The following TMCC1 variants were observed in gnomAD, a reference collection of about 807,000 sequenced individuals.
TMCC1 encodes the protein transmembrane and coiled-coil domains protein 1.
A neutral mutation model predicts 52.4 loss-of-function variants in TMCC1; 15 were observed. That is an observed-to-expected ratio of 0.29 (90% CI 0.19 to 0.44). The LOEUF (loss-of-function observed/expected upper bound fraction) is 0.44, where lower values mean the gene tolerates loss of function less well. Ranked by LOEUF, TMCC1 falls within the 20% of genes least tolerant of loss-of-function variation. TMCC1 has a pLI of 1.00. For missense variants in TMCC1, 503 were observed against 806.0 expected (o/e 0.62, Z 4.55); for synonymous variants, 279 against 301.9 (o/e 0.92, Z 0.79).
intron 2 of TMCC1, among the ~76,000 whole-genome samples, chr3:129,856,273 G>C (rs1198050707): frequency 1.3e-5 from 2 of 152,166 alleles, no homozygotes; most frequent in African/African-American, 4.8e-5. Context: ...TGGATCGTGA[G>C]AACTCCTGGA....
intron 2 of TMCC1, among the ~76,000 whole-genome samples, chr3:129,856,816 TA>T (rs1164423893): frequency 6.6e-6 from 1 of 152,136 alleles, no homozygotes; most frequent in Non-Finnish European, 1.5e-5. Flanking sequence ...TTAGGGAGTC[TA>T]AAAAGAAGAG....
chr3:129,741,284 G>GTA (rs1186274993), intron 4 of TMCC1, among the ~76,000 whole-genome samples: 30 of 152,258 alleles, frequency 2.0e-4, no homozygotes, highest in Admixed American at 1.4e-3. Context: ...TGTACTATCA[G>GTA]CTGCTACTAG....
intron 2 of TMCC1, among the ~76,000 whole-genome samples, chr3:129,843,911 C>CAAAAAA (rs11391229): frequency 7.4e-6 from 1 of 135,616 alleles, no homozygotes. Flanking sequence ...CAGACACTAC[C>CAAAAAA]AAAAAAAAAA....
chr3:129,684,722 G>A (rs1226875341), intron 4 of TMCC1, among the ~76,000 whole-genome samples: 2 of 152,144 alleles, frequency 1.3e-5, no homozygotes, highest in Admixed American at 6.5e-5. Context: ...TAAAAGGGAC[G>A]GATTCAGGAA....
intron 2 of TMCC1, among the ~76,000 whole-genome samples, chr3:129,858,470 T>A (rs2060242620): frequency 1.3e-5 from 2 of 152,134 alleles, no homozygotes; most frequent in South Asian, 4.1e-4. Flanking sequence ...TCCTGGACTC[T>A]AGTCATCCTC....
intron 4 of TMCC1, among the ~76,000 whole-genome samples, chr3:129,814,228 A>T (rs1392016640): frequency 6.6e-6 from 1 of 152,150 alleles, no homozygotes; most frequent in African/African-American, 2.4e-5. Flanking sequence ...CTCACAGGCT[A>T]ATTTTCCTGC....
Position 129,726,850 on chromosome 3 carries a change from C to T in TMCC1, c.577-55586G>A, listed in dbSNP as rs374490378. Among the ~76,000 whole-genome samples the T allele has an allele frequency of 1.2e-3, 67 of 54,302 alleles. 2 individuals carry two copies. The South Asian group carries it at 0.038, about 31-fold the overall frequency. 35.6% of individuals were successfully genotyped at this position (54,302 alleles called of 152,430 possible). ...TGCCACTGCACTTCAGCCTGGGTAA[C>T]AGAGCAAGACTCTGTCTCAAAAAAA... On this transcript the variant is annotated intron_variant, in intron 4 of 6. Transcript: ENST00000393238.
At chr3:129,826,740 G>A (rs548586129) in intron 4 of TMCC1, among the ~76,000 whole-genome samples, 88 of 151,528 alleles carry the variant, frequency 5.8e-4, no homozygotes, top group African/African-American at 2.1e-3. Context: ...AAAGTTTAAG[G>A]TACTAGACTC....
Position 129,675,581 on chromosome 3 carries a change from G to A in TMCC1, c.577-4317C>T, listed in dbSNP as rs562606347. Among the ~76,000 whole-genome samples, 6 of 152,200 alleles carry A rather than the reference G, an allele frequency of 3.9e-5. No individual in the cohort carries two copies. The East Asian group carries it at 5.8e-4, about 15-fold the overall frequency. On this transcript the variant is annotated intron_variant, in intron 4 of 6. Transcript: ENST00000393238. ...TTAAGAGTTCCTAGAATATATTCCC[G>A]TCCAAGATCTTTCCACATTTCAGGC...
intron 4 of TMCC1, among the ~76,000 whole-genome samples, chr3:129,690,561 G>A (rs1240348577): frequency 6.6e-6 from 1 of 152,160 alleles, no homozygotes; most frequent in Non-Finnish European, 1.5e-5. Context: ...AAGGCCATGT[G>A]ACTAGTTCTG....
chr3:129,763,320 A>C (rs780862490), intron 4 of TMCC1, among the ~76,000 whole-genome samples: 2 of 150,266 alleles, frequency 1.3e-5, no homozygotes, highest in Non-Finnish European at 3.0e-5. Context: ...AAGGGGACGG[A>C]TCACTTGAGC....
chr3:129,695,617 G>A (rs1028905032), intron 4 of TMCC1, among the ~76,000 whole-genome samples: 7 of 152,106 alleles, frequency 4.6e-5, no homozygotes, highest in African/African-American at 1.7e-4. Context: ...ACTAGCATGA[G>A]AACAGCATGA....
chr3:129,750,548 T>C (rs1382725159), intron 4 of TMCC1, among the ~76,000 whole-genome samples: 2 of 149,404 alleles, frequency 1.3e-5, no homozygotes, highest in African/African-American at 4.9e-5. Flanking sequence ...TTTCAGAGGC[T>C]ATCCTACGGA....
chr3:129,667,800 C>T (rs2087587785), intron 5 of TMCC1, among the ~76,000 whole-genome samples: 1 of 152,144 alleles, frequency 6.6e-6, no homozygotes, highest in South Asian at 2.1e-4. Flanking sequence ...TTTCTCATAT[C>T]TTGACTTTCT....
intron 4 of TMCC1, among the ~76,000 whole-genome samples, chr3:129,736,406 TTA>T (rs1170853454): frequency 6.6e-6 from 1 of 152,216 alleles, no homozygotes; most frequent in Non-Finnish European, 1.5e-5. Context: ...ACTTATCCCT[TTA>T]TGTTAGTTGT....
intron 5 of TMCC1, among the ~76,000 whole-genome samples, chr3:129,665,457 G>C (rs1043148087): frequency 6.6e-6 from 1 of 152,202 alleles, no homozygotes; most frequent in Non-Finnish European, 1.5e-5. Context: ...AATAATGACC[G>C]AAGTAGGGAT....
At chr3:129,734,112 A>G (rs1383602602) in intron 4 of TMCC1, among the ~76,000 whole-genome samples, 2 of 152,222 alleles carry the variant, frequency 1.3e-5, no homozygotes, top group African/African-American at 4.8e-5. Context: ...ATAAGAAGAC[A>G]TGTTCAAGAG....
intron 2 of TMCC1, among the ~76,000 whole-genome samples, chr3:129,853,930 T>G (rs2060029393): frequency 1.3e-5 from 2 of 152,172 alleles, no homozygotes; most frequent in Admixed American, 1.3e-4. Context: ...CTGCTGACTA[T>G]ATCTCCTAAA....
At chr3:129,716,869 G>T (rs907201561) in intron 4 of TMCC1, among the ~76,000 whole-genome samples, 15 of 152,274 alleles carry the variant, frequency 9.9e-5, no homozygotes, top group African/African-American at 3.1e-4. Flanking sequence ...GGAATAAAAA[G>T]TCACTCTCTT....
Sources: allele counts gnomAD v4.1 joint callset (sites outside exome capture counted in the v4.1 genomes callset), GRCh38; gene constraint gnomAD v4.1.1; transcripts MANE v1.5; gene names NCBI Gene and HGNC (gene_info 2026-07-23, HGNC 2026-07-21).